ADCY10: variants seen among roughly 807,000 people sequenced by gnomAD.
The protein encoded by ADCY10 is adenylate cyclase 10, also known as adenylate cyclase type 10.
In ADCY10, 156 loss-of-function variants were observed where a neutral mutation model predicts 183.3. The ratio of observed to expected loss-of-function variants is 0.85; its 90% CI spans 0.75 to 0.97. ADCY10 has a LOEUF of 0.97. Among genes scored for constraint, ADCY10 ranks in the 50% least tolerant of loss-of-function variants. ADCY10 has a pLI of 0.00. For synonymous variants in ADCY10, 645 were observed against 670.0 expected (o/e 0.96, Z 0.58); for missense variants, 1,745 against 1,934.3 (o/e 0.90, Z 1.84).
chr1:167,869,611 A>G (rs1162539385), intron 14 of ADCY10, among the ~76,000 whole-genome samples: 2 of 152,148 alleles, frequency 1.3e-5, no homozygotes, highest in African/African-American at 4.8e-5. Context: ...GTTGTTATCT[A>G]TAGATTCCAC....
At position 167,880,080 on chromosome 1, in the gene ADCY10, A is replaced by G. The variant is rs203847; in HGVS notation, c.1216+35T>C. 0.32 allele frequency: 498,128 copies of G among 1,581,068 alleles called. 81,277 individuals carry two copies. Among genetic ancestry groups the G allele is most frequent in the African/African-American group, 0.44 (32,779 of 74,354 alleles). On this transcript the variant is annotated intron_variant, in intron 11 of 32. Transcript: ENST00000367851. ...CCCAGTGGCAAGGTGCTGTGTTTGC[A>G]GAAAGAAAGCTGGAGATGAGCTGAC... is the stretch of plus-strand genomic sequence containing the variant.
intron 8 of ADCY10, among the ~76,000 whole-genome samples, chr1:167,889,340 T>C (rs1202789193): frequency 6.6e-6 from 1 of 152,180 alleles, no homozygotes; most frequent in East Asian, 1.9e-4. Flanking sequence ...ATAATATGGT[T>C]TTTGTCCTTC....
Position 167,870,352 on chromosome 1 carries a change from G to C in ADCY10, c.1521C>G (p.Asn507Lys), listed in dbSNP as rs755851532. 1 of 1,613,386 alleles carries C rather than the reference G, an allele frequency of 6.2e-7. No homozygotes were observed. Residue 507 changes from asparagine to lysine, a missense_variant, in exon 14 of 33, where the codon AAC (asparagine) becomes AAG (lysine). Asn to Lys is a moderately conservative substitution (Grantham distance 94). Coordinates refer to ENST00000367851, the MANE Select transcript of ADCY10 (RefSeq NM_018417.6). ...MYTMKKFLIS[N>K]SSQVLMYEGL... is the part of the protein sequence containing the mutation. Reference sequence around the variant, plus strand: ...CCTCATACATTAAGACTTGGCTGCTGTTAGATATCAAAAATTTCTTCATAG... The same window carrying C: ...CCTCATACATTAAGACTTGGCTGCTCTTAGATATCAAAAATTTCTTCATAG...
At chr1:167,832,962 T>G in intron 25 of ADCY10, 25 bp downstream of exon 25, 1 of 1,610,856 alleles carries the variant, frequency 6.2e-7, no homozygotes, top group South Asian at 1.1e-5. Context: ...CTAAACAGTC[T>G]GCTCTCCCCA....
Position 167,848,497 on chromosome 1 carries a change from G to T in ADCY10, c.2309-8C>A. 6.2e-7 allele frequency: 1 copy of T among 1,613,300 alleles called. No individual in the cohort carries two copies. On this transcript the variant is annotated splice_polypyrimidine_tract_variant and splice_region_variant and intron_variant, in intron 18 of 32. Coordinates refer to ENST00000367851, the MANE Select transcript of ADCY10 (RefSeq NM_018417.6). ...TTAGCTTAATGGAATACTCTACAGG[G>T]GTATAAAAGGGAAGAAAAGTTGAGT...
chr1:167,850,662 CGTGTGTGTGTGTGTGT>C (rs35744623), intron 18 of ADCY10, among the ~76,000 whole-genome samples: 1 of 87,892 alleles, frequency 1.1e-5, no homozygotes, highest in Non-Finnish European at 2.2e-5. Flanking sequence ...AAAAGGGGGC[CGTGTGTGTGTGTGTGT>C]GTGTGTGTGT....
chr1:167,882,777 G>A (rs184316424), intron 9 of ADCY10, among the ~76,000 whole-genome samples: 2 of 152,276 alleles, frequency 1.3e-5, no homozygotes, highest in Admixed American at 1.3e-4. Flanking sequence ...GCCTGGGTTT[G>A]AATCCCAGCC....
intron 12 of ADCY10, among the ~76,000 whole-genome samples, chr1:167,875,926 G>T (rs112285782): frequency 2.6e-5 from 4 of 151,666 alleles, no homozygotes; most frequent in Non-Finnish European, 5.9e-5. Context: ...GCACTCCAGC[G>T]TGGGCAGCAG....
intron 32 of ADCY10, 73 bp downstream of exon 32, chr1:167,810,652 C>T (rs1172427420): frequency 5.5e-6 from 8 of 1,444,904 alleles, no homozygotes; most frequent in Non-Finnish European, 7.8e-6. Flanking sequence ...GAAACCTAAC[C>T]AGGCAGTAGG....
At position 167,850,697 on chromosome 1, in the gene ADCY10, G is replaced by GTGTTTGTGTGTGTGTGTGTGTGTA. The variant is rs1553267961; in HGVS notation, c.2309-2209_2309-2208insTACACACACACACACACACAAACA. Reference sequence around the variant, plus strand: ...TGTGTGTGTGTGTGTGTGTGTGTGTGTGTGTGTGTGTTGGGAGTAGGAGAG... The same window carrying GTGTTTGTGTGTGTGTGTGTGTGTA: ...TGTGTGTGTGTGTGTGTGTGTGTGTGTGTTTGTGTGTGTGTGTGTGTGTATGTGTGTGTGTTGGGAGTAGGAGAG... On this transcript the variant is annotated intron_variant, in intron 18 of 32. Transcript: ENST00000367851. Among the ~76,000 whole-genome samples, 6 of 142,260 alleles carry GTGTTTGTGTGTGTGTGTGTGTGTA rather than the reference G, an allele frequency of 4.2e-5. No homozygotes were observed. In the East Asian group the frequency reaches 6.5e-4, roughly 15 times the overall value. 93.3% of individuals were successfully genotyped at this position (142,260 alleles called of 152,430 possible).
chr1:167,911,362 T>C (rs1201926911), intron 1 of ADCY10, among the ~76,000 whole-genome samples: 2 of 152,268 alleles, frequency 1.3e-5, no homozygotes, highest in East Asian at 1.9e-4. Flanking sequence ...CAATGTACTT[T>C]ATGTTCTTGG....
chr1:167,840,231 C>CAA (rs112637652), intron 21 of ADCY10, among the ~76,000 whole-genome samples: 35 of 136,024 alleles, frequency 2.6e-4, no homozygotes, highest in Middle Eastern at 3.7e-3. Context: ...GACCCTGTCT[C>CAA]AAAAAAAAAA....
At chr1:167,904,623 A>C in intron 2 of ADCY10, 1 of 523,470 alleles carries the variant, frequency 1.9e-6, no homozygotes, top group Non-Finnish European at 3.4e-6. Flanking sequence ...AGAGGTGGCA[A>C]GTTTATTAGT....
rs778772683 is a variant in ADCY10 at position 167,824,817 on chromosome 1, G to A, written c.3789C>T (p.His1263=). Residue 1263 remains histidine (H), a synonymous_variant, in exon 27 of 33, where the codon CAC becomes CAT. Transcript: ENST00000367851. The part of the protein sequence containing the change: ...KAYLDYSLYH[H]LAGYKGVWFK... The stretch of plus-strand genomic sequence containing the variant: ...ACCACACACCTTTGTAGCCAGCCAG[G>A]TGGTGGTATAGCGAATAGTCTAGGT... 3 of 1,614,212 alleles carry A rather than the reference G, an allele frequency of 1.9e-6. No homozygotes were observed. Among genetic ancestry groups the A allele is most frequent in the East Asian group, 2.2e-5 (1 of 44,886 alleles).
intron 16 of ADCY10, among the ~76,000 whole-genome samples, chr1:167,857,347 GCC>G (rs1273405951): frequency 6.6e-6 from 1 of 152,198 alleles, no homozygotes; most frequent in Admixed American, 6.5e-5. Context: ...TACTCCTGCA[GCC>G]CCGTTCTGTC....
chr1:167,870,521 T>G (rs1667025858), intron 13 of ADCY10, 111 bp from the exon 14 acceptor site: 1 of 949,126 alleles, frequency 1.1e-6, no homozygotes, highest in Non-Finnish European at 1.6e-6. Flanking sequence ...GGCCAGGCGC[T>G]GTGGCTCACT....
chr1:167,827,237 T>G (rs1428235232), intron 26 of ADCY10, among the ~76,000 whole-genome samples: 1 of 151,648 alleles, frequency 6.6e-6, no homozygotes, highest in Non-Finnish European at 1.5e-5. Flanking sequence ...GAGTGATCTC[T>G]GCTCACTGCA....
chr1:167,875,162 G>A lies in ADCY10; in HGVS notation c.1431C>T (p.Ile477=). ...AAGGGTAATCCTCCTTTCTGTTGCAGATGAGGCACGCCATACCAAACATGC... is the reference window on the plus strand; with the variant it reads ...AAGGGTAATCCTCCTTTCTGTTGCAAATGAGGCACGCCATACCAAACATGC... ...EKVMFGMACL[I]CNRKEDYPLL... is the part of the protein sequence containing the mutation. The change falls in exon 13 of 33, where the codon ATC becomes ATT. Residue 477 remains isoleucine, a synonymous_variant. Transcript: ENST00000367851. 6.2e-7 allele frequency: 1 copy of A among 1,614,170 alleles called. No individual in the cohort carries two copies. The highest frequency in any genetic ancestry group is 8.5e-7 in the Non-Finnish European group (1 of 1,180,006).
intron 5 of ADCY10, among the ~76,000 whole-genome samples, chr1:167,900,901 A>G (rs995318461): frequency 3.9e-5 from 6 of 152,218 alleles, no homozygotes; most frequent in Admixed American, 3.9e-4. Context: ...AGTTAATTGT[A>G]TAACTGCTGA....
Sources: allele counts gnomAD v4.1 joint callset (sites outside exome capture counted in the v4.1 genomes callset), GRCh38; gene constraint gnomAD v4.1.1; transcripts MANE v1.5; gene names NCBI Gene and HGNC (gene_info 2026-07-23, HGNC 2026-07-21).